Variants in TNS1 observed in about 807,000 individuals in gnomAD.
The protein encoded by TNS1 is tensin-1.
Under a neutral mutation model 168.6 loss-of-function variants are expected in TNS1, and 62 were observed. The observed-to-expected ratio is 0.37, with a 90% CI of 0.30 to 0.45. TNS1 has a LOEUF of 0.45. Among genes scored for constraint, TNS1 ranks in the 20% least tolerant of loss-of-function variants. The pLI, the probability that TNS1 is intolerant of heterozygous loss-of-function variation, is 1.00. For missense variants in TNS1, 2,240 were observed against 2,339.4 expected (o/e 0.96, Z 0.88); for synonymous variants, 934 against 933.2 (o/e 1.00, Z -0.02).
intron 32 of TNS1, among the ~76,000 whole-genome samples, chr2:217,804,969 C>T (rs1938207827): frequency 6.9e-6 from 1 of 144,452 alleles, no homozygotes; most frequent in Non-Finnish European, 1.5e-5. Context: ...CCTACCCCTA[C>T]TGACTGTTCT....
chr2:217,829,717 G>A, intron 22 of TNS1: 2 of 1,049,756 alleles, frequency 1.9e-6, no homozygotes, highest in Non-Finnish European at 2.9e-6. Flanking sequence ...GGACAGGAAG[G>A]CCATGTGCCT....
At chr2:217,885,895 C>T in intron 14 of TNS1, 76 bp from the exon 15 acceptor site, 14 of 1,562,848 alleles carry the variant, frequency 9.0e-6, no homozygotes, top group Non-Finnish European at 1.2e-5. Flanking sequence ...CTCCCTGCTG[C>T]CCCTACGCCA....
chr2:217,895,106 C>A, intron 8 of TNS1, 50 bp from the exon 9 acceptor site: 1 of 1,552,810 alleles, frequency 6.4e-7, no homozygotes. Context: ...GTGAGGAGGG[C>A]GGCGAGGAGA....
Position 217,860,485 on chromosome 2 carries a change from T to G in TNS1, c.1430-11398A>C, listed in dbSNP as rs113963048. ...TTTGGACAAACTATTGCAATTATCC[T>G]CCTACCTCCATAGAGTCTTCTAGAA... On this transcript the variant is annotated intron_variant, in intron 18 of 32. Coordinates refer to ENST00000682258, the MANE Select transcript of TNS1 (RefSeq NM_001387777.1). Among the ~76,000 whole-genome samples, 64 of 152,194 alleles carry G rather than the reference T, an allele frequency of 4.2e-4. 1 individual carries two copies. Among genetic ancestry groups the G allele is most frequent in the African/African-American group, 1.3e-3 (54 of 41,522 alleles).
intron 18 of TNS1, among the ~76,000 whole-genome samples, chr2:217,875,994 C>T (rs965775798): frequency 1.3e-5 from 2 of 152,186 alleles, no homozygotes; most frequent in Admixed American, 6.5e-5. Context: ...GTTTGTCATT[C>T]CCCTGAGTCA....
At position 217,818,102 on chromosome 2, in the gene TNS1, C is replaced by A; in HGVS notation, c.4230G>T (p.Gly1410=). 1 of 1,613,794 alleles carries A rather than the reference C, an allele frequency of 6.2e-7. No individual in the cohort carries two copies. The highest frequency in any genetic ancestry group is 1.1e-5 in the South Asian group (1 of 90,932). Residue 1410 remains glycine (G), a synonymous_variant, in exon 24 of 33, where the codon GGG becomes GGT. Coordinates refer to ENST00000682258, the MANE Select transcript of TNS1 (RefSeq NM_001387777.1). ...GGCTGCCGGGAACCACAGATCCAGA[C>A]CCTCCGAGGTGACGGCCCAGGCTGG... ...GSPSLGRHLG[G]SGSVVPGSPC...
At chr2:217,924,929 C>T (rs930810968) in intron 3 of TNS1, among the ~76,000 whole-genome samples, 1 of 152,196 alleles carries the variant, frequency 6.6e-6, no homozygotes, top group African/African-American at 2.4e-5. Context: ...TGGGTTGTCT[C>T]ATCATGGTAT....
chr2:217,821,781 G>T lies in TNS1; in HGVS notation c.3531C>A (p.Pro1177=). 2 of 1,525,992 alleles carry T rather than the reference G, an allele frequency of 1.3e-6. No individual in the cohort carries two copies. The highest frequency in any genetic ancestry group is 1.8e-6 in the Non-Finnish European group (2 of 1,138,944). The allele number at this position is 1,525,992 out of a possible 1,614,324, so 94.5% of individuals were successfully genotyped here. The change falls in exon 23 of 33, where the codon CCC becomes CCA. Residue 1177 remains proline (P), a synonymous_variant. Transcript: ENST00000682258. ...TGGGGCTGCTGGTGGAGAGGGGGCT[G>T]GGGGAGACAAAGGAGCCACCCAGGG... ...NGTLGGSFVS[P]SPLSTSSPIL... is the part of the protein sequence containing the mutation.
chr2:217,937,047 A>G, intron 3 of TNS1: 1 of 456,440 alleles, frequency 2.2e-6, no homozygotes, highest in African/African-American at 2.0e-5. Flanking sequence ...TCCTCCCCGC[A>G]AAACTCCTTG....
At chr2:217,865,573 A>G (rs962561810) in intron 18 of TNS1, among the ~76,000 whole-genome samples, 35 of 152,324 alleles carry the variant, frequency 2.3e-4, no homozygotes, top group African/African-American at 8.2e-4. Context: ...CAATTTTTTT[A>G]AGCAATCAAA....
chr2:217,912,078 T>C (rs1199028928), intron 4 of TNS1, among the ~76,000 whole-genome samples: 1 of 152,208 alleles, frequency 6.6e-6, no homozygotes, highest in Non-Finnish European at 1.5e-5. Context: ...TCTCCACACA[T>C]GCCTTTACCC....
chr2:217,997,528 C>A (rs145693313), intron 1 of TNS1, among the ~76,000 whole-genome samples: 15 of 152,158 alleles, frequency 9.9e-5, no homozygotes, highest in Non-Finnish European at 1.6e-4. Context: ...CTTCCTCATG[C>A]GTCAGTGCAG....
intron 22 of TNS1, among the ~76,000 whole-genome samples, chr2:217,830,855 G>GGCCCGAGGGCCT (rs1944319651): frequency 6.6e-6 from 1 of 152,242 alleles, no homozygotes; most frequent in Non-Finnish European, 1.5e-5. Flanking sequence ...AGGGGATCGA[G>GGCCCGAGGGCCT]GAAACGGCAG....
chr2:217,901,496 C>G (rs184872493), intron 6 of TNS1, among the ~76,000 whole-genome samples: 6 of 152,308 alleles, frequency 3.9e-5, no homozygotes, highest in South Asian at 2.1e-4. Flanking sequence ...CCCTGCATCG[C>G]CTCTACCCAT....
At chr2:217,830,521 C>G in intron 22 of TNS1, 1 of 1,084,110 alleles carries the variant, frequency 9.2e-7, no homozygotes, top group Non-Finnish European at 1.3e-6. Flanking sequence ...CTCCCTCCAC[C>G]ATAAGAAGGA....
At chr2:217,874,568 A>C (rs1182924894) in intron 18 of TNS1, among the ~76,000 whole-genome samples, 2 of 152,190 alleles carry the variant, frequency 1.3e-5, no homozygotes, top group African/African-American at 4.8e-5. Flanking sequence ...CTGACTCCCA[A>C]GAGTGGGGTT....
intron 9 of TNS1, 37 bp from the exon 10 acceptor site, chr2:217,893,598 C>T: frequency 1.3e-6 from 2 of 1,568,178 alleles, no homozygotes; most frequent in South Asian, 2.3e-5. Context: ...AGGGCAGAAG[C>T]CCTGCAGAGC....
chr2:218,030,909 G>A lies in TNS1; in HGVS notation c.156+2911C>T, dbSNP rs1027183799. On this transcript the variant is annotated intron_variant, in intron 1 of 1. Coordinates refer to the TNS1 transcript ENST00000649572. The stretch of plus-strand genomic sequence containing the variant: ...TAAGCGTGTGTGTATGCATGTATGC[G>A]TGAGCATGGGTATGAGTGTGTGAGC... 6.4e-4 allele frequency among the ~76,000 whole-genome samples: 97 copies of A among 152,136 alleles called. 1 individual carries two copies. The highest frequency in any genetic ancestry group is 6.6e-4 in the Non-Finnish European group (45 of 68,026).
intron 18 of TNS1, among the ~76,000 whole-genome samples, chr2:217,862,921 T>C (rs1463517490): frequency 6.6e-6 from 1 of 152,098 alleles, no homozygotes; most frequent in African/African-American, 2.4e-5. Context: ...GTCAAGCAAA[T>C]GCCCCCATTC....
Sources: gnomAD v4.1 joint callset for allele counts (sites outside exome capture counted in the v4.1 genomes callset) on GRCh38, gnomAD v4.1.1 for gene constraint, MANE v1.5 for transcripts, NCBI Gene and HGNC (gene_info 2026-07-23, HGNC 2026-07-21) for gene names.